The following ADGRG5 variants were observed in gnomAD, a reference collection of about 807,000 sequenced individuals.
ADGRG5 encodes adhesion G protein-coupled receptor G5, also known as G protein-coupled receptor 114.
In ADGRG5, 37 loss-of-function variants were observed where a neutral mutation model predicts 53.2. The observed-to-expected ratio is 0.70, with a 90% CI of 0.53 to 0.91. The LOEUF is 0.91. Among genes scored for constraint, ADGRG5 ranks in the 40% least tolerant of loss-of-function variants. The pLI, the probability that ADGRG5 is intolerant of heterozygous loss-of-function variation, is 0.00. For missense variants in ADGRG5, 614 were observed against 675.8 expected, an observed-to-expected ratio of 0.91 and a Z score of 1.01; for synonymous variants, 277 against 290.4, an observed-to-expected ratio of 0.95 and a Z score of 0.47.
At chr16:57,558,986 C>T (rs141572371) in intron 1 of ADGRG5, among the ~76,000 whole-genome samples, 7,060 of 151,292 alleles carry the variant, frequency 0.047, 308 homozygotes, top group South Asian at 0.17. Context: ...GCTGGGACTA[C>T]AGGTGTACAC....
rs2032838569 is a variant in ADGRG5, at chr16:57,554,628, G to C, written c.-38-7428G>C. 3.3e-5 allele frequency among the ~76,000 whole-genome samples: 5 copies of C among 152,152 alleles called. No homozygotes were observed. In the South Asian group the frequency reaches 1.0e-3, roughly 32 times the overall value. ...CCTGACTTTGTGATCCGCCCACCTT[G>C]GCCTCCCAAAGTGCTGGGATTACAG... On this transcript the variant is annotated intron_variant, in intron 1 of 11. Transcript: ENST00000349457.
chr16:57,538,207 A>T (rs1477660081), upstream of ADGRG5, among the ~76,000 whole-genome samples: 2 of 152,206 alleles, frequency 1.3e-5, no homozygotes, highest in Non-Finnish European at 2.9e-5. Flanking sequence ...TCGTAGAACC[A>T]AAGTAGGTGC....
chr16:57,564,860 A>G (rs1222610660), intron 5 of ADGRG5, among the ~76,000 whole-genome samples, 174 bp from the exon 6 acceptor site: 4 of 150,914 alleles, frequency 2.7e-5, no homozygotes, highest in African/African-American at 9.9e-5. Context: ...CAGAAACAGC[A>G]CATGCAAAGG....
chr16:57,565,487 C>T (rs1453849900), intron 6 of ADGRG5: 12 of 400,536 alleles, frequency 3.0e-5, no homozygotes, highest in Non-Finnish European at 4.0e-5. Context: ...AGTCTCTCTC[C>T]GTCTCAGCAA....
intron 1 of ADGRG5, among the ~76,000 whole-genome samples, chr16:57,550,591 G>A (rs764828687): frequency 1.4e-4 from 22 of 152,144 alleles, no homozygotes; most frequent in Admixed American, 2.6e-4. Context: ...ACCTAAGTCA[G>A]AAGGATTTTC....
At chr16:57,530,949 TCA>T in the ADGRG5 span, among the ~76,000 whole-genome samples, 1 of 151,806 alleles carries the variant, frequency 6.6e-6, no homozygotes, top group South Asian at 2.1e-4. Flanking sequence ...CTTCCCTGCC[TCA>T]CTTGCTTCCA....
the ADGRG5 span, among the ~76,000 whole-genome samples, chr16:57,534,673 C>T: frequency 2.6e-4 from 40 of 152,186 alleles, no homozygotes; most frequent in African/African-American, 7.7e-4. Flanking sequence ...GAAGGTACCC[C>T]TAAGAAGGTG....
intron 1 of ADGRG5, among the ~76,000 whole-genome samples, chr16:57,543,471 C>G (rs531816767): frequency 5.9e-5 from 9 of 151,902 alleles, no homozygotes; most frequent in African/African-American, 2.2e-4. Flanking sequence ...TTAGTAGAGG[C>G]GGGATTTCGC....
chr16:57,544,670 C>A (rs1283008195), intron 1 of ADGRG5, among the ~76,000 whole-genome samples: 1 of 152,184 alleles, frequency 6.6e-6, no homozygotes, highest in African/African-American at 2.4e-5. Flanking sequence ...CAAATTGGCC[C>A]AAGATCCTTT....
chr16:57,542,462 C>G (rs1201767265), upstream of ADGRG5: 1 of 152,346 alleles, frequency 6.6e-6, no homozygotes, highest in African/African-American at 2.4e-5. Flanking sequence ...CAAAGGGTGA[C>G]CAGGGCATGA....
At chr16:57,546,388 A>G (rs2032621244) in intron 1 of ADGRG5, among the ~76,000 whole-genome samples, 1 of 152,064 alleles carries the variant, frequency 6.6e-6, no homozygotes, top group Non-Finnish European at 1.5e-5. Flanking sequence ...AGCCTACCAA[A>G]GCGCTGAGAT....
At chr16:57,570,021 C>T (rs1375553956) in intron 9 of ADGRG5, among the ~76,000 whole-genome samples, 1 of 152,174 alleles carries the variant, frequency 6.6e-6, no homozygotes, top group African/African-American at 2.4e-5. Flanking sequence ...CCACCTACTC[C>T]ACCTCCATCT....
chr16:57,557,294 A>T (rs1400148083), intron 1 of ADGRG5, among the ~76,000 whole-genome samples: 4 of 152,168 alleles, frequency 2.6e-5, no homozygotes, highest in Non-Finnish European at 5.9e-5. Flanking sequence ...CTGCATTATC[A>T]TCTGGTTTTG....
chr16:57,570,393 C>T (rs1351447133), intron 9 of ADGRG5, 25 bp from the exon 10 acceptor site: 2 of 1,525,528 alleles, frequency 1.3e-6, no homozygotes, highest in Admixed American at 1.7e-5. Context: ...TCCCACATCT[C>T]CTGAGCCTTT....
chr16:57,550,334 T>G (rs74616699), intron 1 of ADGRG5, among the ~76,000 whole-genome samples: 2,214 of 152,340 alleles, frequency 0.015, 44 homozygotes, highest in African/African-American at 0.051. Context: ...CTATATTTAT[T>G]GGGTTGTTTG....
At chr16:57,549,086 G>A (rs2032690031) in intron 1 of ADGRG5, among the ~76,000 whole-genome samples, 1 of 152,116 alleles carries the variant, frequency 6.6e-6, no homozygotes, top group Non-Finnish European at 1.5e-5. Context: ...CATTCACATA[G>A]CTTTCAACTT....
chr16:57,571,817 G>T (rs1018307587), intron 10 of ADGRG5, among the ~76,000 whole-genome samples: 10 of 151,802 alleles, frequency 6.6e-5, no homozygotes, highest in African/African-American at 1.9e-4. Context: ...GTTAATTTTT[G>T]TATTTTTAGT....
At chr16:57,547,044 A>AT (rs1281479560) in intron 1 of ADGRG5, among the ~76,000 whole-genome samples, 1 of 151,772 alleles carries the variant, frequency 6.6e-6, no homozygotes, top group Non-Finnish European at 1.5e-5. Context: ...AAATATATGG[A>AT]TTTTTTTTCA....
At chr16:57,555,763 C>T (rs1376610640) in intron 1 of ADGRG5, among the ~76,000 whole-genome samples, 1 of 152,096 alleles carries the variant, frequency 6.6e-6, no homozygotes, top group East Asian at 1.9e-4. Context: ...TATAGCTATT[C>T]CCTCTTACTT....
Sources: gnomAD v4.1 joint callset for allele counts (sites outside exome capture counted in the v4.1 genomes callset) on GRCh38, gnomAD v4.1.1 for gene constraint, MANE v1.5 for transcripts, NCBI Gene and HGNC (gene_info 2026-07-23, HGNC 2026-07-21) for gene names.